The following GUCY1A2 variants were observed in gnomAD, a reference collection of about 807,000 sequenced individuals.
The protein encoded by GUCY1A2 is guanylate cyclase soluble subunit alpha-2.
Under a neutral mutation model 63.5 loss-of-function variants are expected in GUCY1A2, and 27 were observed. The observed-to-expected ratio is 0.43, with a 90% CI of 0.31 to 0.59. The LOEUF (loss-of-function observed/expected upper bound fraction) is 0.59. GUCY1A2 is among the 20% of genes least tolerant of loss of function. The pLI, the probability that GUCY1A2 is intolerant of heterozygous loss-of-function variation, is 0.11. For synonymous variants in GUCY1A2, 364 were observed against 343.5 expected, an observed-to-expected ratio of 1.06 and a Z score of -0.66; for missense variants, 768 against 913.3, an observed-to-expected ratio of 0.84 and a Z score of 2.05.
intron 6 of GUCY1A2, among the ~76,000 whole-genome samples, chr11:106,709,504 A>C (rs1400029292): frequency 1.9e-5 from 1 of 51,478 alleles, no homozygotes; most frequent in African/African-American, 1.5e-4. Context: ...ATATAATAAT[A>C]TATATTATTC....
At chr11:106,809,041 A>C (rs2029302) in intron 5 of GUCY1A2, among the ~76,000 whole-genome samples, 128,830 of 151,986 alleles carry the variant, frequency 0.85, 55,175 homozygotes, top group East Asian at 0.99. Flanking sequence ...TAAAGAGCTC[A>C]TTTCCCCAAG....
chr11:106,964,770 G>A (rs1365051095), intron 3 of GUCY1A2, among the ~76,000 whole-genome samples: 2 of 152,140 alleles, frequency 1.3e-5, no homozygotes, highest in Non-Finnish European at 2.9e-5. Flanking sequence ...ATGAGGTCAG[G>A]AGATCGAGAC....
At chr11:106,883,250 C>T (rs1859851169) in intron 4 of GUCY1A2, among the ~76,000 whole-genome samples, 1 of 152,116 alleles carries the variant, frequency 6.6e-6, no homozygotes, top group Non-Finnish European at 1.5e-5. Flanking sequence ...ACATTGATCT[C>T]TCATTTTTCA....
chr11:106,865,350 A>AT (rs1480722309), intron 4 of GUCY1A2, among the ~76,000 whole-genome samples: 19 of 151,842 alleles, frequency 1.3e-4, no homozygotes, highest in Non-Finnish European at 2.6e-4. Flanking sequence ...GGATTCATTG[A>AT]TTTTTTGAAG....
chr11:106,693,502 T>A (rs942061762), intron 7 of GUCY1A2, among the ~76,000 whole-genome samples: 5 of 152,312 alleles, frequency 3.3e-5, no homozygotes, highest in South Asian at 2.1e-4. Flanking sequence ...TGGATCCTTT[T>A]GAACCTTTTG....
intron 4 of GUCY1A2, among the ~76,000 whole-genome samples, chr11:106,844,747 A>G (rs561340639): frequency 6.6e-6 from 1 of 151,854 alleles, no homozygotes; most frequent in South Asian, 2.1e-4. Context: ...TTTGTTTAAT[A>G]TCTTGCCATG....
chr11:106,827,652 A>G, intron 4 of GUCY1A2: 1 of 1,536,298 alleles, frequency 6.5e-7, no homozygotes, highest in Non-Finnish European at 9.0e-7. Flanking sequence ...TATAACCTTG[A>G]TGTTGGGAAA....
intron 4 of GUCY1A2, among the ~76,000 whole-genome samples, chr11:106,907,468 A>G (rs1188402330): frequency 6.6e-6 from 1 of 151,872 alleles, no homozygotes; most frequent in Non-Finnish European, 1.5e-5. Context: ...GGTTAGTTAC[A>G]TATGTATACA....
At chr11:106,999,321 A>G (rs908481710) in intron 1 of GUCY1A2, among the ~76,000 whole-genome samples, 2 of 152,202 alleles carry the variant, frequency 1.3e-5, no homozygotes, top group Non-Finnish European at 2.9e-5. Context: ...CGTAACCTTA[A>G]TCCATAATAT....
At chr11:106,783,215 C>A (rs2135407291) in intron 5 of GUCY1A2, among the ~76,000 whole-genome samples, 1 of 152,288 alleles carries the variant, frequency 6.6e-6, no homozygotes, top group East Asian at 1.9e-4. Flanking sequence ...GCAGTTTTCA[C>A]CATTTTCCTG....
At chr11:106,983,473 A>C (rs1056787749) in intron 2 of GUCY1A2, among the ~76,000 whole-genome samples, 2 of 152,220 alleles carry the variant, frequency 1.3e-5, no homozygotes, top group Non-Finnish European at 2.9e-5. Flanking sequence ...TTGAAGTCTC[A>C]GTCTTGGCAG....
At chr11:106,989,646 T>C (rs1861446024) in intron 1 of GUCY1A2, among the ~76,000 whole-genome samples, 1 of 152,086 alleles carries the variant, frequency 6.6e-6, no homozygotes, top group African/African-American at 2.4e-5. Flanking sequence ...AAGATCTTCA[T>C]CATCGAAAAA....
intron 1 of GUCY1A2, among the ~76,000 whole-genome samples, chr11:107,003,877 G>T (rs1379370347): frequency 6.6e-6 from 1 of 152,090 alleles, no homozygotes; most frequent in Admixed American, 6.6e-5. Flanking sequence ...ACCATGAAAG[G>T]GTAGAGAAGA....
intron 3 of GUCY1A2, among the ~76,000 whole-genome samples, chr11:106,970,176 T>G (rs2120092586): frequency 6.6e-6 from 1 of 152,196 alleles, no homozygotes; most frequent in African/African-American, 2.4e-5. Flanking sequence ...ACAAAGACCA[T>G]TTGTGGACAT....
intron 3 of GUCY1A2, among the ~76,000 whole-genome samples, chr11:106,966,095 A>G (rs1466916622): frequency 6.6e-6 from 1 of 151,564 alleles, no homozygotes; most frequent in Non-Finnish European, 1.5e-5. Context: ...CCACTGGCTT[A>G]TTTTTCTTCT....
intron 6 of GUCY1A2, among the ~76,000 whole-genome samples, chr11:106,710,879 C>G (rs1268968883): frequency 1.3e-5 from 2 of 151,964 alleles, no homozygotes; most frequent in Non-Finnish European, 2.9e-5. Flanking sequence ...CACCACCAGG[C>G]TCTCTTTGCC....
chr11:106,866,002 T>C (rs749157202), intron 4 of GUCY1A2, among the ~76,000 whole-genome samples: 4 of 151,930 alleles, frequency 2.6e-5, no homozygotes, highest in Non-Finnish European at 5.9e-5. Context: ...ACAGCATCTA[T>C]CATAGCACCT....
intron 4 of GUCY1A2, among the ~76,000 whole-genome samples, chr11:106,852,225 G>T (rs1859365984): frequency 6.6e-6 from 1 of 151,798 alleles, no homozygotes; most frequent in Non-Finnish European, 1.5e-5. Flanking sequence ...GGGTCTTTAG[G>T]TTTTCTTATA....
intron 4 of GUCY1A2, among the ~76,000 whole-genome samples, chr11:106,866,999 T>C (rs1403501128): frequency 6.6e-6 from 1 of 152,012 alleles, no homozygotes. Context: ...GTATAAATAT[T>C]AACCAAACTT....
Sources: gnomAD v4.1 joint callset for allele counts (sites outside exome capture counted in the v4.1 genomes callset) on GRCh38, gnomAD v4.1.1 for gene constraint, MANE v1.5 for transcripts, NCBI Gene and HGNC (gene_info 2026-07-23, HGNC 2026-07-21) for gene names.